Variants in DNAH11 observed in about 807,000 individuals in gnomAD.
The protein encoded by DNAH11 is axonemal beta dynein heavy chain 11.
A neutral mutation model predicts 526.0 loss-of-function variants in DNAH11; 442 were observed. The ratio of observed to expected loss-of-function variants is 0.84; its 90% CI spans 0.78 to 0.91. DNAH11 has a LOEUF of 0.91. Ranked by LOEUF, DNAH11 falls within the 40% of genes least tolerant of loss-of-function variation. The probability of loss-of-function intolerance (pLI) is 0.00; values close to 1 mark genes in which losing one functional copy is unlikely to be tolerated. For synonymous variants in DNAH11, 2,461 were observed against 1,935.9 expected, an observed-to-expected ratio of 1.27 and a Z score of -7.12; for missense variants, 6,989 against 5,448.7, an observed-to-expected ratio of 1.28 and a Z score of -8.90.
At chr7:21,839,584 A>T (rs1049204030) in intron 65 of DNAH11, among the ~76,000 whole-genome samples, 1 of 151,948 alleles carries the variant, frequency 6.6e-6, no homozygotes, top group Non-Finnish European at 1.5e-5. Flanking sequence ...CAAAAAAAAA[A>T]AAAGGGGACG....
Position 21,710,826 on chromosome 7 carries a change from A to G in DNAH11, c.6834+123A>G, listed in dbSNP as rs566075421. 6.1e-6 allele frequency: 6 copies of G among 978,048 alleles called. No individual in the cohort carries two copies. In the South Asian group the frequency reaches 1.3e-4, roughly 21 times the overall value. The allele number at this position is 978,048 out of a possible 1,614,324, so 60.6% of individuals were successfully genotyped here. On this transcript the variant is annotated intron_variant, in intron 41 of 81. Transcript: ENST00000409508. ...ACCTGGGATTCTTTATGTAATTATT[A>G]TTTTGATAAGTGTTGCTTTCCTGAT...
At position 21,787,522 on chromosome 7, in the gene DNAH11, C is replaced by T; in HGVS notation, c.9863C>T (p.Thr3288Ile). ...DPEFNPNLIR[T>I]KSFAAAGLCA... ...GAGTTTAATCCAAACCTGATTCGAACCAAATCTTTTGCAGCAGCTGGCCTG... is the reference window on the plus strand; with the variant it reads ...GAGTTTAATCCAAACCTGATTCGAATCAAATCTTTTGCAGCAGCTGGCCTG... Residue 3288 changes from threonine to isoleucine, a missense_variant, in exon 60 of 82, where the codon ACC (threonine) becomes ATC (isoleucine). Coordinates refer to ENST00000409508, the MANE Select transcript of DNAH11 (RefSeq NM_001277115.2). 6.2e-7 allele frequency: 1 copy of T among 1,613,532 alleles called. No individual in the cohort carries two copies. The highest frequency in any genetic ancestry group is 8.5e-7 in the Non-Finnish European group (1 of 1,179,666).
intron 8 of DNAH11, among the ~76,000 whole-genome samples, chr7:21,581,092 G>C (rs759901879): frequency 6.6e-6 from 1 of 152,214 alleles, no homozygotes; most frequent in Non-Finnish European, 1.5e-5. Context: ...TATTACCGTT[G>C]TTATTGTTAA....
chr7:21,859,200 A>C (rs1170844226), intron 68 of DNAH11, among the ~76,000 whole-genome samples: 1 of 151,722 alleles, frequency 6.6e-6, no homozygotes, highest in Non-Finnish European at 1.5e-5. Context: ...TGCAATCTCC[A>C]CCTCCCAGGT....
intron 58 of DNAH11, among the ~76,000 whole-genome samples, chr7:21,785,762 C>G (rs1461809116): frequency 2.6e-5 from 4 of 152,078 alleles, no homozygotes; most frequent in Non-Finnish European, 5.9e-5. Context: ...TATTTTAAGA[C>G]TTTGTTTTTG....
At position 21,864,579 on chromosome 7, in the gene DNAH11, C is replaced by A. The variant is rs187814474; in HGVS notation, c.11418C>A (p.Phe3806Leu). 6.2e-7 allele frequency: 1 copy of A among 1,612,014 alleles called. No homozygotes were observed. Among genetic ancestry groups the A allele is most frequent in the East Asian group, 2.2e-5 (1 of 44,716 alleles). The change falls in exon 70 of 82, where the codon TTC (phenylalanine) becomes TTA (leucine). Residue 3806 changes from phenylalanine to leucine, a missense_variant. Transcript: ENST00000409508. ...KKEIDPLELD[F>L]LLRFTVEHTH... ...AGATAGACCCTCTTGAATTGGATTTCCTGCTTCGATTCACAGTTGAACACA... is the reference window on the plus strand; with the variant it reads ...AGATAGACCCTCTTGAATTGGATTTACTGCTTCGATTCACAGTTGAACACA...
rs139045201 is a variant in DNAH11 at position 21,600,623 on chromosome 7, T to C, written c.3001-53T>C. On this transcript the variant is annotated intron_variant, in intron 15 of 81. Transcript: ENST00000409508. ...TTGGTAATGTTATGTTGTAGATAAT[T>C]GGTAAAGTAAGGTTGGTTTGAATAG... The C allele has an allele frequency of 1.7e-5, 26 of 1,506,488 alleles. No homozygotes were observed. The African/African-American group carries it at 3.5e-4, about 20-fold the overall frequency. The allele number at this position is 1,506,488 out of a possible 1,614,324, so 93.3% of individuals were successfully genotyped here. A position where few individuals can be genotyped will look rare whatever the true frequency, so the allele number is the denominator to read the frequency against.
In DNAH11 at chr7:21,601,189, T is replaced by A. The variant is rs1408597113; in HGVS notation, c.3425+10T>A. 1.9e-6 allele frequency: 3 copies of A among 1,581,364 alleles called. No homozygotes were observed. The highest frequency in any genetic ancestry group is 2.6e-6 in the Non-Finnish European group (3 of 1,169,768). On this transcript the variant is annotated intron_variant, in intron 17 of 81. Transcript: ENST00000409508. ...GATTTGTCATTGACAGGTAGCCTTT[T>A]ACTTTGGTTTTTGGAATTATAACTT...
chr7:21,679,942 C>G (rs941073852), intron 30 of DNAH11, among the ~76,000 whole-genome samples: 52 of 152,260 alleles, frequency 3.4e-4, no homozygotes, highest in African/African-American at 1.3e-3. Flanking sequence ...CATATGTATA[C>G]ATATGCCATG....
intron 49 of DNAH11, among the ~76,000 whole-genome samples, chr7:21,743,760 C>T (rs193262268): frequency 3.9e-5 from 6 of 152,266 alleles, no homozygotes; most frequent in East Asian, 1.9e-4. Context: ...TGAAATGGGA[C>T]GAGAGGACTG....
chr7:21,622,127 G>C lies in DNAH11; in HGVS notation c.4500+2049G>C, dbSNP rs567659972. 3.9e-5 allele frequency among the ~76,000 whole-genome samples: 6 copies of C among 152,184 alleles called. No homozygotes were observed. In the South Asian group the frequency reaches 1.2e-3, roughly 32 times the overall value. ...ATAAGCAACTTCAGCAAAGTCTCAG[G>C]ATACAAAATCAACGTACAAAAATCA... On this transcript the variant is annotated intron_variant, in intron 25 of 81. Transcript: ENST00000409508.
chr7:21,784,151 T>C (rs866411556), intron 57 of DNAH11, among the ~76,000 whole-genome samples: 1 of 152,244 alleles, frequency 6.6e-6, no homozygotes, highest in Non-Finnish European at 1.5e-5. Flanking sequence ...CTATTAGTGG[T>C]ACCTTATAAT....
At chr7:21,666,751 C>G (rs193277473) in intron 30 of DNAH11, among the ~76,000 whole-genome samples, 26 of 147,520 alleles carry the variant, frequency 1.8e-4, no homozygotes, top group African/African-American at 6.1e-4. Flanking sequence ...ATATTGGACA[C>G]AAGTATTTTT....
At chr7:21,621,873 G>T (rs1485069586) in intron 25 of DNAH11, among the ~76,000 whole-genome samples, 1 of 152,008 alleles carries the variant, frequency 6.6e-6, no homozygotes, top group Non-Finnish European at 1.5e-5. Flanking sequence ...TACTGAATGG[G>T]CGAAAACTGG....
chr7:21,810,335 C>G (rs965623624), intron 63 of DNAH11, among the ~76,000 whole-genome samples: 23 of 152,188 alleles, frequency 1.5e-4, no homozygotes, highest in Non-Finnish European at 2.6e-4. Context: ...CTATACAACA[C>G]TGTCATCTCA....
At chr7:21,585,642 G>T (rs1307698105) in intron 9 of DNAH11, among the ~76,000 whole-genome samples, 2 of 152,128 alleles carry the variant, frequency 1.3e-5, no homozygotes, top group Non-Finnish European at 2.9e-5. Context: ...ACCGAAGTGT[G>T]TAAAAAAAAT....
At chr7:21,554,327 C>T (rs962698690) in intron 2 of DNAH11, among the ~76,000 whole-genome samples, 3 of 152,088 alleles carry the variant, frequency 2.0e-5, no homozygotes, top group African/African-American at 7.2e-5. Flanking sequence ...GTGCGTACCA[C>T]CATGCCCAGC....
intron 25 of DNAH11, among the ~76,000 whole-genome samples, chr7:21,633,483 G>C (rs911702683): frequency 6.6e-6 from 1 of 152,024 alleles, no homozygotes; most frequent in Non-Finnish European, 1.5e-5. Context: ...ATATATTTAG[G>C]TTCTCTGATG....
At chr7:21,888,411 A>G (rs1388062701) in intron 76 of DNAH11, among the ~76,000 whole-genome samples, 1 of 152,212 alleles carries the variant, frequency 6.6e-6, no homozygotes, top group Non-Finnish European at 1.5e-5. Flanking sequence ...CATGGAGTCC[A>G]ACATAGTGGG....
Sources: allele counts gnomAD v4.1 joint callset (sites outside exome capture counted in the v4.1 genomes callset), GRCh38; gene constraint gnomAD v4.1.1; transcripts MANE v1.5; gene names NCBI Gene and HGNC (gene_info 2026-07-23, HGNC 2026-07-21).